CDNF: variants seen among roughly 807,000 people sequenced by gnomAD.
The protein encoded by CDNF is cerebral dopamine neurotrophic factor.
Under a neutral mutation model 14.8 loss-of-function variants are expected in CDNF, and 9 were observed. The ratio of observed to expected loss-of-function variants is 0.61; its 90% CI spans 0.37 to 1.06. CDNF has a LOEUF of 1.06. Ranked by LOEUF, CDNF falls within the 50% of genes least tolerant of loss-of-function variation. The pLI, the probability that CDNF is intolerant of heterozygous loss-of-function variation, is 0.01. For missense variants in CDNF, 228 were observed against 228.4 expected, an observed-to-expected ratio of 1.00 and a Z score of 0.01; for synonymous variants, 86 against 87.2, an observed-to-expected ratio of 0.99 and a Z score of 0.07.
At position 14,836,580 on chromosome 10, in the gene CDNF, A is replaced by C. The variant is rs112610854; in HGVS notation, c.115+1252T>G. Among the ~76,000 whole-genome samples the C allele has an allele frequency of 5.8e-3, 888 of 152,372 alleles. 11 individuals are homozygous for C. Among genetic ancestry groups the C allele is most frequent in the African/African-American group, 0.02 (818 of 41,588 alleles). On this transcript the variant is annotated intron_variant, in intron 1 of 3. Transcript: ENST00000465530. ...CGAGTAATAACATGTAGATATTTTA[A>C]ATTTCTGGAGAAAAGTTTAATTATT...
At chr10:14,821,332 A>G (rs113213375) in intron 3 of CDNF, among the ~76,000 whole-genome samples, 2,529 of 152,234 alleles carry the variant, frequency 0.017, 73 homozygotes, top group African/African-American at 0.053. Context: ...CCATGTTGGC[A>G]AAGCTGATCT....
intron 1 of CDNF, among the ~76,000 whole-genome samples, chr10:14,830,340 T>A (rs1247295468): frequency 6.6e-6 from 1 of 152,202 alleles, no homozygotes; most frequent in Non-Finnish European, 1.5e-5. Flanking sequence ...TCTTTAAACA[T>A]AAAAAAACAT....
chr10:14,826,299 C>CAGCAGCAGAAGA (rs150920811), intron 2 of CDNF, among the ~76,000 whole-genome samples: 3 of 147,754 alleles, frequency 2.0e-5, no homozygotes, highest in African/African-American at 5.0e-5. Context: ...GCAGCAGAAG[C>CAGCAGCAGAAGA]AGCAGCAGAA....
chr10:14,837,456 C>T (rs1277155615), intron 1 of CDNF, among the ~76,000 whole-genome samples: 3 of 152,244 alleles, frequency 2.0e-5, no homozygotes, highest in Admixed American at 2.0e-4. Context: ...GAGTCACCAA[C>T]TAGCTTGGAC....
chr10:14,826,426 GC>G (rs1422547433), intron 2 of CDNF, among the ~76,000 whole-genome samples: 2 of 151,296 alleles, frequency 1.3e-5, no homozygotes, highest in African/African-American at 2.4e-5. Flanking sequence ...AGCAGCAGAA[GC>G]AGCAGAAGAA....
chr10:14,837,652 C>T (rs1427499802), intron 1 of CDNF, among the ~76,000 whole-genome samples, 180 bp downstream of exon 1: 1 of 152,252 alleles, frequency 6.6e-6, no homozygotes, highest in Admixed American at 6.5e-5. Context: ...CTCACGTTAC[C>T]ACCAGGCCCG....
chr10:14,826,089 A>C lies in CDNF; in HGVS notation c.244-469T>G, dbSNP rs1237796336. ...GAAGAAGAAGAAGAAGAAGAAGAAG[A>C]AGAAGAAGCAGCAGCAGCAGCAGCA... On this transcript the variant is annotated intron_variant, in intron 2 of 3. Coordinates refer to ENST00000465530, the MANE Select transcript of CDNF (RefSeq NM_001029954.3). Among the ~76,000 whole-genome samples the C allele has an allele frequency of 4.2e-3, 526 of 125,372 alleles. 10 individuals carry two copies. The highest frequency in any genetic ancestry group is 9.9e-3 in the African/African-American group (335 of 33,862). 82.2% of individuals were successfully genotyped at this position (125,372 alleles called of 152,430 possible). A position where few individuals can be genotyped will look rare whatever the true frequency, so the allele number is the denominator to read the frequency against.
intron 1 of CDNF, among the ~76,000 whole-genome samples, chr10:14,833,657 G>A (rs1833863748): frequency 6.6e-6 from 1 of 152,000 alleles, no homozygotes; most frequent in Non-Finnish European, 1.5e-5. Context: ...TGAAGATCAG[G>A]TATAAGATCT....
intron 1 of CDNF, among the ~76,000 whole-genome samples, chr10:14,835,533 G>T (rs369538815): frequency 6.6e-6 from 1 of 152,116 alleles, no homozygotes; most frequent in Admixed American, 6.5e-5. Flanking sequence ...CACCATAAAT[G>T]CCCTAACAAA....
At chr10:14,820,952 C>G (rs1001466589) in intron 3 of CDNF, among the ~76,000 whole-genome samples, 2 of 151,700 alleles carry the variant, frequency 1.3e-5, no homozygotes, top group Non-Finnish European at 2.9e-5. Flanking sequence ...AGCACCTCCC[C>G]CTTTGCGCTC....
chr10:14,828,211 C>T lies in CDNF; in HGVS notation c.177G>A (p.Ser59=), dbSNP rs141533461. ...KSLIDRGVNF[S]LDTIEKELIS... ...TCAATTCTTTCTCTATAGTGTCCAG[C>T]GAAAAGTTAACTCCTCTGTCTATCA... Residue 59 remains serine (S), a synonymous_variant, in exon 2 of 4, where the codon TCG becomes TCA. Transcript: ENST00000465530. 14 of 1,613,302 alleles carry T rather than the reference C, an allele frequency of 8.7e-6. No homozygotes were observed. The highest frequency in any genetic ancestry group is 4.5e-5 in the East Asian group (2 of 44,880).
chr10:14,822,758 A>G (rs1212773295), intron 3 of CDNF, among the ~76,000 whole-genome samples: 1 of 152,224 alleles, frequency 6.6e-6, no homozygotes, highest in Admixed American at 6.5e-5. Flanking sequence ...AAAAACATTA[A>G]AAACCTAATA....
rs1185221777 is a variant in CDNF at position 14,826,111 on chromosome 10, AGCAGCAGC to A, written c.244-499_244-492del. 3.0e-3 allele frequency among the ~76,000 whole-genome samples: 394 copies of A among 129,560 alleles called. 18 individuals carry two copies. Among genetic ancestry groups the A allele is most frequent in the African/African-American group, 0.011 (355 of 33,728 alleles). 85.0% of individuals were successfully genotyped at this position (129,560 alleles called of 152,430 possible). On this transcript the variant is annotated intron_variant, in intron 2 of 3. Coordinates refer to ENST00000465530, the MANE Select transcript of CDNF (RefSeq NM_001029954.3). ...AAGAAGAAGAAGCAGCAGCAGCAGC[AGCAGCAGC>A]AGCAGAAGCAGGAGAAGGAGAAGGA...
chr10:14,830,263 C>T (rs1424955064), intron 1 of CDNF, among the ~76,000 whole-genome samples: 6 of 152,122 alleles, frequency 3.9e-5, no homozygotes. Flanking sequence ...CTACTTTGCT[C>T]AGTGTCAAGG....
Position 14,819,853 on chromosome 10 carries a change from T to C in CDNF, c.*127A>G, listed in dbSNP as rs1833722352. The stretch of plus-strand genomic sequence containing the variant: ...ACCCACGTAACAAAATTCTGAGGAA[T>C]AATACCAACACAAAAAGCATGAGAC... On this transcript the variant is annotated 3_prime_UTR_variant, in exon 4 of 4. Coordinates refer to ENST00000465530, the MANE Select transcript of CDNF (RefSeq NM_001029954.3). 1 of 934,630 alleles carries C rather than the reference T, an allele frequency of 1.1e-6. No homozygotes were observed. The highest frequency in any genetic ancestry group is 1.7e-5 in the African/African-American group (1 of 60,216). The allele number at this position is 934,630 out of a possible 1,614,324, so 57.9% of individuals were successfully genotyped here.
At chr10:14,824,618 A>AG (rs1265799248) in intron 3 of CDNF, among the ~76,000 whole-genome samples, 1 of 151,572 alleles carries the variant, frequency 6.6e-6, no homozygotes, top group East Asian at 1.9e-4. Context: ...AAAAAAAAAA[A>AG]AAAAAAAAAG....
intron 3 of CDNF, among the ~76,000 whole-genome samples, chr10:14,824,605 CAAAA>C (rs572648812): frequency 4.6e-5 from 3 of 64,656 alleles, no homozygotes; most frequent in Admixed American, 1.6e-4. Flanking sequence ...GACTTCCCCT[CAAAA>C]AAAAAAAAAA....
intron 1 of CDNF, among the ~76,000 whole-genome samples, chr10:14,836,680 C>A (rs1427554900): frequency 6.6e-6 from 1 of 152,176 alleles, no homozygotes; most frequent in East Asian, 1.9e-4. Context: ...GCCTGTAATC[C>A]CAGCACTTTG....
chr10:14,837,813 C>CA lies in CDNF; in HGVS notation c.115+18dup. On this transcript the variant is annotated intron_variant, in intron 1 of 3. Coordinates refer to ENST00000465530, the MANE Select transcript of CDNF (RefSeq NM_001029954.3). The stretch of plus-strand genomic sequence containing the variant: ...CAGCGCGGGGCCGCCGCCATGCAAG[C>CA]AGTTGTCACACCGCTCACCTTCACA... The CA allele has an allele frequency of 2.0e-6, 3 of 1,475,054 alleles. No individual in the cohort carries two copies. Among genetic ancestry groups the CA allele is most frequent in the Non-Finnish European group, 2.8e-6 (3 of 1,078,536 alleles). 91.4% of individuals were successfully genotyped at this position (1,475,054 alleles called of 1,614,324 possible). A position where few individuals can be genotyped will look rare whatever the true frequency, so the allele number is the denominator to read the frequency against.
Sources: allele counts gnomAD v4.1 joint callset (sites outside exome capture counted in the v4.1 genomes callset), GRCh38; gene constraint gnomAD v4.1.1; transcripts MANE v1.5; gene names NCBI Gene and HGNC (gene_info 2026-07-23, HGNC 2026-07-21).